Variants in DIAPH2 observed in about 807,000 individuals in gnomAD.
The protein encoded by DIAPH2 is diaphanous related formin 2.
A neutral mutation model predicts 92.7 loss-of-function variants in DIAPH2; 35 were observed. The ratio of observed to expected loss-of-function variants is 0.38; its 90% CI spans 0.29 to 0.50. The LOEUF is 0.50. Among genes scored for constraint, DIAPH2 ranks in the 20% least tolerant of loss-of-function variants. The pLI, the probability that DIAPH2 is intolerant of heterozygous loss-of-function variation, is 0.94. For missense variants in DIAPH2, 701 were observed against 819.5 expected, an observed-to-expected ratio of 0.86 and a Z score of 1.77; for synonymous variants, 301 against 280.4, an observed-to-expected ratio of 1.07 and a Z score of -0.73.
intron 4 of DIAPH2, among the ~76,000 whole-genome samples, chrX:96,782,924 T>C (rs2064429621): frequency 8.9e-6 from 1 of 111,823 alleles, no homozygotes; most frequent in Admixed American, 9.5e-5. Context: ...CCACATTTTC[T>C]AGTTTTCAAT....
intron 23 of DIAPH2, among the ~76,000 whole-genome samples, chrX:97,251,528 A>G (rs1391889685): frequency 9.2e-6 from 1 of 109,060 alleles, no homozygotes; most frequent in Non-Finnish European, 1.9e-5. Flanking sequence ...GGTTCAAACG[A>G]TTATCCTGCC....
Position 97,431,155 on chromosome X carries a change from C to T in DIAPH2, c.3241+1410C>T, listed in dbSNP as rs775797883. ...GGCAGCCATTCCACTTATCCGCAGC[C>T]TTTGTCTGTAAATGAGAATGTTCTA... On this transcript the variant is annotated intron_variant, in intron 26 of 26. Transcript: ENST00000324765. 3 of 112,055 alleles carry T rather than the reference C, an allele frequency of 2.7e-5. No individual in the cohort carries two copies. In the South Asian group the frequency reaches 1.1e-3, roughly 42 times the overall value. 9.2% of individuals were successfully genotyped at this position (112,055 alleles called of 1,213,427 possible).
At chrX:97,484,002 G>A (rs1461566466) in intron 26 of DIAPH2, among the ~76,000 whole-genome samples, 2 of 111,411 alleles carry the variant, frequency 1.8e-5, no homozygotes, top group African/African-American at 3.3e-5. Flanking sequence ...AATTACCTGG[G>A]AAACTTACTA....
intron 22 of DIAPH2, among the ~76,000 whole-genome samples, chrX:97,239,050 T>A (rs1419986780): frequency 8.9e-6 from 1 of 111,790 alleles, no homozygotes; most frequent in Non-Finnish European, 1.9e-5. Flanking sequence ...TGTCAATGGT[T>A]ACAATGAATA....
At chrX:97,208,324 A>C (rs1461290078) in intron 22 of DIAPH2, among the ~76,000 whole-genome samples, 1 of 112,305 alleles carries the variant, frequency 8.9e-6, no homozygotes, top group Non-Finnish European at 1.9e-5. Flanking sequence ...TGAACTCAGG[A>C]AGAGAATAGA....
intron 5 of DIAPH2, among the ~76,000 whole-genome samples, chrX:96,896,068 A>C (rs767542947): frequency 8.9e-6 from 1 of 111,920 alleles, no homozygotes; most frequent in Admixed American, 9.5e-5. Flanking sequence ...TCTACAGCCA[A>C]TAGTCATAAA....
chrX:97,244,685 G>A (rs1424617187), intron 22 of DIAPH2, among the ~76,000 whole-genome samples: 2 of 111,956 alleles, frequency 1.8e-5, no homozygotes, highest in African/African-American at 6.5e-5. Flanking sequence ...GGAAAAGTAT[G>A]TGCTAAGTAT....
intron 4 of DIAPH2, among the ~76,000 whole-genome samples, chrX:96,881,248 A>G (rs5920793): frequency 0.053 from 5,861 of 111,401 alleles, 177 homozygotes; most frequent in Middle Eastern, 0.13. Context: ...TTGAATGCTT[A>G]TCCTCTGGGT....
intron 21 of DIAPH2, among the ~76,000 whole-genome samples, chrX:97,127,180 G>T (rs1432702753): frequency 1.8e-5 from 2 of 109,613 alleles, no homozygotes; most frequent in Non-Finnish European, 3.8e-5. Flanking sequence ...ATTTCCTTTT[G>T]CCAGAGGATA....
At chrX:96,726,813 G>T (rs1312262600) in intron 1 of DIAPH2, among the ~76,000 whole-genome samples, 1 of 111,954 alleles carries the variant, frequency 8.9e-6, no homozygotes, top group Admixed American at 9.5e-5. Context: ...TTGTACATAG[G>T]ATTATTGTGA....
At chrX:97,415,562 A>G (rs1183557810) in intron 25 of DIAPH2, among the ~76,000 whole-genome samples, 1 of 110,880 alleles carries the variant, frequency 9.0e-6, no homozygotes, top group Non-Finnish European at 1.9e-5. Flanking sequence ...AGGGACATGG[A>G]TGAAGCTGGG....
intron 1 of DIAPH2, among the ~76,000 whole-genome samples, chrX:96,726,060 TTACTC>T (rs767022668): frequency 1.8e-5 from 2 of 112,199 alleles, no homozygotes; most frequent in Non-Finnish European, 3.8e-5. Flanking sequence ...GATATTTAAA[TTACTC>T]TATTTAATAC....
At chrX:97,242,931 C>T (rs966160281) in intron 22 of DIAPH2, among the ~76,000 whole-genome samples, 71 of 109,064 alleles carry the variant, frequency 6.5e-4, no homozygotes, top group African/African-American at 2.2e-3. Flanking sequence ...GGACTACAGG[C>T]GCCCGCCCCC....
At chrX:97,178,443 CTTTTTTTTTTTTTTTT>C (rs766983375) in intron 22 of DIAPH2, among the ~76,000 whole-genome samples, 1 of 67,289 alleles carries the variant, frequency 1.5e-5, no homozygotes, top group Non-Finnish European at 2.7e-5. Flanking sequence ...CTATATTTCT[CTTTTTTTTTTTTTTTT>C]TTTTTTTTTT....
At chrX:96,900,889 A>G (rs2065388868) in intron 5 of DIAPH2, among the ~76,000 whole-genome samples, 1 of 111,882 alleles carries the variant, frequency 8.9e-6, no homozygotes, top group Non-Finnish European at 1.9e-5. Flanking sequence ...GGATTTTTGC[A>G]TCAATGTTCA....
chrX:97,426,286 T>A (rs1312057177), intron 25 of DIAPH2, among the ~76,000 whole-genome samples: 1 of 108,796 alleles, frequency 9.2e-6, no homozygotes, highest in South Asian at 4.0e-4. Flanking sequence ...AAAATTTCCC[T>A]GCCTTTTTTT....
At chrX:97,115,076 G>A in intron 21 of DIAPH2, 111 bp downstream of exon 21, 1 of 748,602 alleles carries the variant, frequency 1.3e-6, no homozygotes, top group Non-Finnish European at 1.8e-6. Context: ...GCTTAAAAAG[G>A]GTGAATTTTC....
chrX:97,313,304 TAATC>T (rs1414385835), intron 23 of DIAPH2, among the ~76,000 whole-genome samples: 14 of 112,032 alleles, frequency 1.2e-4, no homozygotes, highest in Non-Finnish European at 1.7e-4. Flanking sequence ...CTGGCAAAAA[TAATC>T]AAGCTTTCCT....
chrX:96,704,614 G>T (rs2063873318), intron 1 of DIAPH2, among the ~76,000 whole-genome samples: 1 of 111,764 alleles, frequency 8.9e-6, no homozygotes, highest in South Asian at 3.8e-4. Flanking sequence ...CTTTTACTCT[G>T]CTACTGGTCT....
Sources: gnomAD v4.1 joint callset for allele counts (sites outside exome capture counted in the v4.1 genomes callset) on GRCh38, gnomAD v4.1.1 for gene constraint, MANE v1.5 for transcripts, NCBI Gene and HGNC (gene_info 2026-07-23, HGNC 2026-07-21) for gene names.